The following EFHC2 variants were observed in gnomAD, a reference collection of about 807,000 sequenced individuals.
The protein encoded by EFHC2 is EF-hand domain-containing family member C2.
A neutral mutation model predicts 52.7 loss-of-function variants in EFHC2; 18 were observed. The observed-to-expected ratio is 0.34, with a 90% CI of 0.24 to 0.51. The LOEUF (loss-of-function observed/expected upper bound fraction) is 0.51, where lower values mean the gene tolerates loss of function less well. Among genes scored for constraint, EFHC2 ranks in the 20% least tolerant of loss-of-function variants. EFHC2 has a pLI of 0.97. For missense variants in EFHC2, 513 were observed against 562.5 expected, an observed-to-expected ratio of 0.91 and a Z score of 0.89; for synonymous variants, 203 against 204.1, an observed-to-expected ratio of 0.99 and a Z score of 0.04.
In EFHC2 at chrX:44,229,633, G is replaced by A. The variant is rs1161312928; in HGVS notation, c.1751+16C>T. The A allele has an allele frequency of 1.7e-6, 2 of 1,209,843 alleles. No homozygotes were observed. Among genetic ancestry groups the A allele is most frequent in the South Asian group, 1.8e-5 (1 of 56,804 alleles). On this transcript the variant is annotated intron_variant, in intron 11 of 14. Coordinates refer to ENST00000420999, the MANE Select transcript of EFHC2 (RefSeq NM_025184.4). Reference sequence around the variant, plus strand: ...TTGAGGGGAAAACAGGTGATTGTTAGCAGAATATGGCTTACCTGAATGTAT... The same window carrying A: ...TTGAGGGGAAAACAGGTGATTGTTAACAGAATATGGCTTACCTGAATGTAT...
At chrX:44,251,478 G>A (rs2037446837) in intron 4 of EFHC2, among the ~76,000 whole-genome samples, 1 of 100,480 alleles carries the variant, frequency 1.0e-5, no homozygotes, top group South Asian at 4.8e-4. Flanking sequence ...GCAGGTGCCA[G>A]TAATCCCAGC....
At position 44,147,953 on chromosome X, in the gene EFHC2, A is replaced by G. The variant is rs1278182239; in HGVS notation, c.*842T>C. 9.0e-6 allele frequency: 1 copy of G among 110,861 alleles called. No individual in the cohort carries two copies. The highest frequency in any genetic ancestry group is 9.7e-5 in the Admixed American group (1 of 10,353). The allele number at this position is 110,861 out of a possible 1,213,427, so 9.1% of individuals were successfully genotyped here. On this transcript the variant is annotated 3_prime_UTR_variant, in exon 15 of 15. Coordinates refer to ENST00000420999, the MANE Select transcript of EFHC2 (RefSeq NM_025184.4). ...TCTGCTGAAGAAAAATAAAAATAGA[A>G]CTAGAAAAATGCAGGGGAAAAATGT...
At chrX:44,199,411 C>A (rs928113907) in intron 11 of EFHC2, among the ~76,000 whole-genome samples, 3 of 112,364 alleles carry the variant, frequency 2.7e-5, no homozygotes, top group Admixed American at 9.4e-5. Context: ...TATACATTAC[C>A]CAGCCTCAGG....
At chrX:44,178,590 A>G (rs1170337552) in intron 11 of EFHC2, 26 bp from the exon 12 acceptor site, 3 of 1,066,799 alleles carry the variant, frequency 2.8e-6, no homozygotes, top group Non-Finnish European at 3.8e-6. Context: ...AAAAACATTT[A>G]TAAACTGATA....
intron 1 of EFHC2, among the ~76,000 whole-genome samples, chrX:44,329,934 A>G (rs2038075938): frequency 9.2e-6 from 1 of 109,042 alleles, no homozygotes; most frequent in Admixed American, 9.9e-5. Context: ...ATGTAAAACT[A>G]TAAATCCTTT....
rs565095188 is a variant in EFHC2, at chrX:44,304,209, G to A, written c.231+8359C>T. Among the ~76,000 whole-genome samples the A allele has an allele frequency of 5.4e-4, 60 of 111,998 alleles. 1 individual carries two copies. In the South Asian group the frequency reaches 0.02, roughly 38 times the overall value. ...GCCTGATGTAATTAGAGAGTCCTAG[G>A]CCATTAGATCCAGGGTCTGGGCTCA... is the stretch of plus-strand genomic sequence containing the variant. On this transcript the variant is annotated intron_variant, in intron 2 of 14. Transcript: ENST00000420999.
rs2037100516 is a variant in EFHC2 at position 44,211,878 on chromosome X, A to AAG, written c.1751+17770_1751+17771insCT. On this transcript the variant is annotated intron_variant, in intron 11 of 14. Transcript: ENST00000420999. Reference sequence around the variant, plus strand: ...CAAGACTCCCTCTCAAAAAAAAAAAAAAAAAAAGAACAAACTGAAAAATCA... The same window carrying AAG: ...CAAGACTCCCTCTCAAAAAAAAAAAAAGAAAAAAAGAACAAACTGAAAAATCA... Among the ~76,000 whole-genome samples, 4 of 107,728 alleles carry AAG rather than the reference A, an allele frequency of 3.7e-5. No individual in the cohort carries two copies. In the East Asian group the frequency reaches 8.7e-4, roughly 23 times the overall value. The allele number at this position is 107,728 out of a possible 115,157, so 93.5% of individuals were successfully genotyped here.
At chrX:44,316,499 T>C (rs897364866) in intron 1 of EFHC2, among the ~76,000 whole-genome samples, 1 of 111,700 alleles carries the variant, frequency 9.0e-6, no homozygotes, top group African/African-American at 3.3e-5. Context: ...GAAAAATAAA[T>C]TGGGCTTCAT....
At chrX:44,208,718 T>C (rs1244088887) in intron 11 of EFHC2, among the ~76,000 whole-genome samples, 5 of 111,698 alleles carry the variant, frequency 4.5e-5, no homozygotes, top group Admixed American at 9.5e-5. Flanking sequence ...CACCTTTTCA[T>C]AGAGCTAGAA....
At chrX:44,310,734 G>A (rs1227145203) in intron 2 of EFHC2, among the ~76,000 whole-genome samples, 1 of 111,401 alleles carries the variant, frequency 9.0e-6, no homozygotes, top group East Asian at 2.8e-4. Flanking sequence ...AATAGAAGTT[G>A]ACCAACAAAA....
At position 44,292,340 on chromosome X, in the gene EFHC2, A is replaced by C. The variant is rs767098506; in HGVS notation, c.232-19504T>G. On this transcript the variant is annotated intron_variant, in intron 2 of 14. Coordinates refer to ENST00000420999, the MANE Select transcript of EFHC2 (RefSeq NM_025184.4). ...GATATTTGCATATACATAATGAGAT[A>C]TCCTGGGGATGGGACACAAGTCTAA... is the stretch of plus-strand genomic sequence containing the variant. 3.6e-5 allele frequency among the ~76,000 whole-genome samples: 4 copies of C among 111,514 alleles called. No individual in the cohort carries two copies. In the East Asian group the frequency reaches 8.5e-4, roughly 24 times the overall value.
chrX:44,148,918 A>G (rs1301714048), intron 14 of EFHC2, 22 bp from the exon 15 acceptor site: 1 of 1,122,145 alleles, frequency 8.9e-7, no homozygotes, highest in East Asian at 3.2e-5. Flanking sequence ...CCAAAAATGG[A>G]TATGATTAGA....
chrX:44,163,607 T>C (rs1160307112), intron 14 of EFHC2, among the ~76,000 whole-genome samples: 13 of 112,081 alleles, frequency 1.2e-4, no homozygotes, highest in Non-Finnish European at 1.5e-4. Context: ...ATGATGATGT[T>C]ACCAGAATCC....
intron 11 of EFHC2, among the ~76,000 whole-genome samples, chrX:44,213,229 G>A (rs983548417): frequency 6.3e-5 from 7 of 111,651 alleles, no homozygotes; most frequent in Admixed American, 2.9e-4. Context: ...TAGACAATAT[G>A]CAAGAATAGA....
intron 14 of EFHC2, 141 bp from the exon 15 acceptor site, chrX:44,149,037 T>C (rs965993134): frequency 5.5e-5 from 26 of 472,433 alleles, no homozygotes; most frequent in Non-Finnish European, 9.3e-5. Context: ...TACTGGATAC[T>C]TGTTCTTGAT....
chrX:44,248,855 T>C lies in EFHC2; in HGVS notation c.920A>G (p.Tyr307Cys), dbSNP rs376527080. 8.3e-6 allele frequency: 10 copies of C among 1,208,680 alleles called. No individual in the cohort carries two copies. Among genetic ancestry groups the C allele is most frequent in the South Asian group, 1.8e-5 (1 of 56,531 alleles). ...QITDRAVLNS[Y>C]GDFIKNQADG... ...CGCTTGGTTCTTTATAAAGTCACCA[T>C]ATGAATTGAGAACTGCTCGATCTGT... Residue 307 changes from tyrosine to cysteine, a missense_variant, in exon 6 of 15, where the codon TAT becomes TGT. By Grantham distance (194) the Tyr-to-Cys change is radical. Coordinates refer to ENST00000420999, the MANE Select transcript of EFHC2 (RefSeq NM_025184.4).
rs775151023 is a variant in EFHC2, at chrX:44,204,929, A to C, written c.1751+24720T>G. 5.4e-5 allele frequency among the ~76,000 whole-genome samples: 6 copies of C among 111,987 alleles called. No individual in the cohort carries two copies. In the East Asian group the frequency reaches 1.7e-3, roughly 31 times the overall value. ...ACAACCACTCCCATGGCAAATAGTC[A>C]TCAGACTATCTGAGGTCAAAACATA... On this transcript the variant is annotated intron_variant, in intron 11 of 14. Transcript: ENST00000420999.
chrX:44,151,228 C>A (rs922555436), intron 14 of EFHC2, among the ~76,000 whole-genome samples: 7 of 111,627 alleles, frequency 6.3e-5, no homozygotes, highest in African/African-American at 2.3e-4. Flanking sequence ...GTCTGTGGTA[C>A]TTTGTGAGGG....
chrX:44,156,895 A>G (rs1375320436), intron 14 of EFHC2, among the ~76,000 whole-genome samples: 2 of 112,086 alleles, frequency 1.8e-5, no homozygotes, highest in Non-Finnish European at 3.8e-5. Context: ...TGACAGTGCC[A>G]GGGCAACATG....
Sources: allele counts gnomAD v4.1 joint callset (sites outside exome capture counted in the v4.1 genomes callset), GRCh38; gene constraint gnomAD v4.1.1; transcripts MANE v1.5; gene names NCBI Gene and HGNC (gene_info 2026-07-23, HGNC 2026-07-21).